Variants in UBE2M observed in about 807,000 individuals in gnomAD.
The protein encoded by UBE2M is ubiquitin conjugating enzyme E2 M.
In UBE2M, 2 loss-of-function variants were observed where a neutral mutation model predicts 23.5. That is an observed-to-expected ratio of 0.09 (90% CI 0.03 to 0.27). The LOEUF (loss-of-function observed/expected upper bound fraction) is 0.27. Among genes scored for constraint, UBE2M ranks in the 10% least tolerant of loss-of-function variants. The pLI, the probability that UBE2M is intolerant of heterozygous loss-of-function variation, is 1.00. For synonymous variants in UBE2M, 97 were observed against 95.2 expected (o/e 1.02, Z -0.11); for missense variants, 103 against 232.9 (o/e 0.44, Z 3.63).
At chr19:58,557,562 CCCA>C (rs1358635686) in intron 1 of UBE2M, among the ~76,000 whole-genome samples, 1 of 151,896 alleles carries the variant, frequency 6.6e-6, no homozygotes, top group Admixed American at 6.6e-5. Flanking sequence ...CCTGCCCACC[CCCA>C]CCAACCCTCA....
rs758460231 is a variant in UBE2M, at chr19:58,556,270, G to A, written c.412-41C>T. On this transcript the variant is annotated intron_variant, in intron 5 of 5. Transcript: ENST00000253023. The surrounding 1 kb of genome is among the most constrained non-coding windows in gnomAD (Gnocchi z 4.9). Reference sequence around the variant, plus strand: ...GTAGGGGGGGTCAACAGGCCAGAGGGACAGAAGGCCAATCTCCCCAGACCC... The same window carrying A: ...GTAGGGGGGGTCAACAGGCCAGAGGAACAGAAGGCCAATCTCCCCAGACCC... 11 of 1,613,904 alleles carry A rather than the reference G, an allele frequency of 6.8e-6. No individual in the cohort carries two copies. The highest frequency in any genetic ancestry group is 5.0e-5 in the Admixed American group (3 of 60,008).
At position 58,555,987 on chromosome 19, in the gene UBE2M, C is replaced by T; in HGVS notation, c.*102G>A. The T allele has an allele frequency of 1.8e-5, 27 of 1,467,496 alleles. No individual in the cohort carries two copies. Among genetic ancestry groups the T allele is most frequent in the Non-Finnish European group, 2.4e-5 (26 of 1,096,116 alleles). 90.9% of individuals were successfully genotyped at this position (1,467,496 alleles called of 1,614,324 possible). A position where few individuals can be genotyped will look rare whatever the true frequency, so the allele number is the denominator to read the frequency against. ...GGAGGCAAGGCCAAGGCAGGGGATT[C>T]CCCCACCGGCCGCCCCCCAAACCCC... On this transcript the variant is annotated 3_prime_UTR_variant, in exon 6 of 6. Coordinates refer to ENST00000253023, the MANE Select transcript of UBE2M (RefSeq NM_003969.4).
Position 58,556,964 on chromosome 19 carries a change from G to C in UBE2M, c.205-34C>G, listed in dbSNP as rs761875901. On this transcript the variant is annotated intron_variant, in intron 2 of 5. Coordinates refer to ENST00000253023, the MANE Select transcript of UBE2M (RefSeq NM_003969.4). This position sits in a 1 kb window ranked among gnomAD's most constrained non-coding sequence, Gnocchi z 4.9. ...AAAAGGGGGAGAAGAAAATTTTAGGGTTCCATCCTGTGGGGCCCGATGGGC... is the reference window on the plus strand; with the variant it reads ...AAAAGGGGGAGAAGAAAATTTTAGGCTTCCATCCTGTGGGGCCCGATGGGC... 3.1e-6 allele frequency: 5 copies of C among 1,614,018 alleles called. No individual in the cohort carries two copies. The highest frequency in any genetic ancestry group is 3.3e-4 in the Middle Eastern group (2 of 6,058).
rs554983565 is a variant in UBE2M, at chr19:58,556,806, GA to G, written c.244-17del. Reference sequence around the variant, plus strand: ...CCTGGCCCACCTGGCTCCAGGAAAAGAAAAGAGAGATGGGTAGGTGCCTGGA... The same window carrying G: ...CCTGGCCCACCTGGCTCCAGGAAAAGAAAGAGAGATGGGTAGGTGCCTGGA... On this transcript the variant is annotated splice_polypyrimidine_tract_variant and intron_variant, in intron 3 of 5. Transcript: ENST00000253023. The surrounding 1 kb of genome is among the most constrained non-coding windows in gnomAD (Gnocchi z 4.9). 1,652 of 1,606,698 alleles carry G rather than the reference GA, an allele frequency of 1.0e-3. 13 individuals are homozygous for G. The African/African-American group carries it at 0.02, about 20-fold the overall frequency.
chr19:58,557,872 A>T (rs555727972), intron 1 of UBE2M, among the ~76,000 whole-genome samples: 1 of 151,650 alleles, frequency 6.6e-6, no homozygotes, highest in African/African-American at 2.4e-5. Context: ...CCCCAGCATA[A>T]TAAACTAAAT....
At chr19:58,557,726 C>T (rs2053901777) in intron 1 of UBE2M, among the ~76,000 whole-genome samples, 1 of 149,930 alleles carries the variant, frequency 6.7e-6, no homozygotes, top group South Asian at 2.1e-4. Flanking sequence ...TCACCCCTGT[C>T]TCCAATCCCT....
rs751678898 is a variant in UBE2M, at chr19:58,556,664, C to T, written c.347+23G>A. On this transcript the variant is annotated intron_variant, in intron 4 of 5. Coordinates refer to ENST00000253023, the MANE Select transcript of UBE2M (RefSeq NM_003969.4). The surrounding 1 kb of genome is among the most constrained non-coding windows in gnomAD (Gnocchi z 4.9). ...GCCTGGCAGGCAGCGCTGAGGAGGG[C>T]ATTAGAGGGCCAGTGTCCTCACCTG... 3 of 1,516,974 alleles carry T rather than the reference C, an allele frequency of 2.0e-6. No homozygotes were observed. In the East Asian group the frequency reaches 6.8e-5, roughly 34 times the overall value. 94.0% of individuals were successfully genotyped at this position (1,516,974 alleles called of 1,614,324 possible). A position where few individuals can be genotyped will look rare whatever the true frequency, so the allele number is the denominator to read the frequency against.
rs1386312961 is a variant in UBE2M at position 58,558,138 on chromosome 19, C to T, written c.109+135G>A. On this transcript the variant is annotated intron_variant, in intron 1 of 5. Transcript: ENST00000253023. The surrounding 1 kb of genome is among the most constrained non-coding windows in gnomAD (Gnocchi z 4.7). ...GATCCCAACCCTCAAGACTTGACCTCCGACCCCCCCCACGCTCGGGGCCCT... is the reference window on the plus strand; with the variant it reads ...GATCCCAACCCTCAAGACTTGACCTTCGACCCCCCCCACGCTCGGGGCCCT... The T allele has an allele frequency of 1.1e-5, 8 of 702,960 alleles. No homozygotes were observed. In the Admixed American group the frequency reaches 1.9e-4, roughly 16 times the overall value. The allele number at this position is 702,960 out of a possible 1,614,324, so 43.5% of individuals were successfully genotyped here. A position where few individuals can be genotyped will look rare whatever the true frequency, so the allele number is the denominator to read the frequency against.
chr19:58,557,431 T>C (rs994900246), intron 1 of UBE2M, among the ~76,000 whole-genome samples: 1 of 151,810 alleles, frequency 6.6e-6, no homozygotes, highest in Non-Finnish European at 1.5e-5. Flanking sequence ...CCCCAACTTT[T>C]CTGTATCCAC....
chr19:58,556,973 T>A lies in UBE2M; in HGVS notation c.205-43A>T. 6.2e-7 allele frequency: 1 copy of A among 1,613,936 alleles called. No individual in the cohort carries two copies. The highest frequency in any genetic ancestry group is 8.5e-7 in the Non-Finnish European group (1 of 1,179,912). ...AGAAGAAAATTTTAGGGTTCCATCC[T>A]GTGGGGCCCGATGGGCAGAACATGT... On this transcript the variant is annotated intron_variant, in intron 2 of 5. Transcript: ENST00000253023. The surrounding 1 kb of genome is among the most constrained non-coding windows in gnomAD (Gnocchi z 4.9).
In UBE2M at chr19:58,556,811, G is replaced by C. The variant is rs1232201352; in HGVS notation, c.244-21C>G. ...CCCACCTGGCTCCAGGAAAAGAAAA[G>C]AGAGATGGGTAGGTGCCTGGAAGGG... On this transcript the variant is annotated intron_variant, in intron 3 of 5. Coordinates refer to ENST00000253023, the MANE Select transcript of UBE2M (RefSeq NM_003969.4). This position sits in a 1 kb window ranked among gnomAD's most constrained non-coding sequence, Gnocchi z 4.9. 2.5e-6 allele frequency: 4 copies of C among 1,607,144 alleles called. No homozygotes were observed. The highest frequency in any genetic ancestry group is 1.7e-4 in the Middle Eastern group (1 of 6,000).
rs887515359 is a variant in UBE2M, at chr19:58,558,204, T to A, written c.109+69A>T. 4 of 1,350,050 alleles carry A rather than the reference T, an allele frequency of 3.0e-6. No individual in the cohort carries two copies. The African/African-American group carries it at 6.2e-5, about 21-fold the overall frequency. The allele number at this position is 1,350,050 out of a possible 1,614,324, so 83.6% of individuals were successfully genotyped here. ...AGCAACCGCATTACCCCTTCCTGAC[T>A]CCCACATCACCCTGCCTCAGGCCCT... On this transcript the variant is annotated intron_variant, in intron 1 of 5. Transcript: ENST00000253023. The surrounding 1 kb of genome is among the most constrained non-coding windows in gnomAD (Gnocchi z 4.7).
At position 58,558,141 on chromosome 19, in the gene UBE2M, AC is replaced by A. The variant is rs889087722; in HGVS notation, c.109+131del. 128 of 524,894 alleles carry A rather than the reference AC, an allele frequency of 2.4e-4. No homozygotes were observed. The highest frequency in any genetic ancestry group is 3.0e-4 in the Non-Finnish European group (98 of 329,246). 32.5% of individuals were successfully genotyped at this position (524,894 alleles called of 1,614,324 possible). A position where few individuals can be genotyped will look rare whatever the true frequency, so the allele number is the denominator to read the frequency against. ...CCCAACCCTCAAGACTTGACCTCCGACCCCCCCCACGCTCGGGGCCCTTCAC... is the reference window on the plus strand; with the variant it reads ...CCCAACCCTCAAGACTTGACCTCCGACCCCCCCACGCTCGGGGCCCTTCAC... On this transcript the variant is annotated intron_variant, in intron 1 of 5. Transcript: ENST00000253023. The surrounding 1 kb of genome is among the most constrained non-coding windows in gnomAD (Gnocchi z 4.7).
At position 58,556,407 on chromosome 19, in the gene UBE2M, G is replaced by A; in HGVS notation, c.348-28C>T. ...GTGGACAGAGAGCATCAGGGTCAGG[G>A]CTTGGTGAGTGGGAGACTGCCACAG... On this transcript the variant is annotated intron_variant, in intron 4 of 5. Coordinates refer to ENST00000253023, the MANE Select transcript of UBE2M (RefSeq NM_003969.4). This position sits in a 1 kb window ranked among gnomAD's most constrained non-coding sequence, Gnocchi z 4.9. The A allele has an allele frequency of 6.2e-7, 1 of 1,611,784 alleles. No individual in the cohort carries two copies. Among genetic ancestry groups the A allele is most frequent in the Non-Finnish European group, 8.5e-7 (1 of 1,178,908 alleles).
chr19:58,558,334 C>G lies in UBE2M; in HGVS notation c.48G>C (p.Ser16=). 3 of 1,598,432 alleles carry G rather than the reference C, an allele frequency of 1.9e-6. No homozygotes were observed. The highest frequency in any genetic ancestry group is 1.7e-6 in the Non-Finnish European group (2 of 1,173,758). Residue 16 remains serine (S), a synonymous_variant, in exon 1 of 6, where the codon TCG becomes TCC. Coordinates refer to ENST00000253023, the MANE Select transcript of UBE2M (RefSeq NM_003969.4). This position sits in a 1 kb window ranked among gnomAD's most constrained non-coding sequence, Gnocchi z 4.7. ...TGCTGCTGCCCTTGGTGCCGCCCGCCGACTCCTCCTCCTTCTTCTGCTGCT... is the reference window on the plus strand; with the variant it reads ...TGCTGCTGCCCTTGGTGCCGCCCGCGGACTCCTCCTCCTTCTTCTGCTGCT... ...SLKQQKKEEE[S]AGGTKGSSKK...
chr19:58,558,402 T>TGCC lies in UBE2M; in HGVS notation c.-24_-22dup, dbSNP rs778718653. ...ATCATCCTGCCGCCGCCGCCGCCGC[T>TGCC]GCCGCCGCCGCGGGGCCCGGGACCC... On this transcript the variant is annotated 5_prime_UTR_variant, in exon 1 of 6. Transcript: ENST00000253023. The surrounding 1 kb of genome is among the most constrained non-coding windows in gnomAD (Gnocchi z 4.7). 18 of 1,284,470 alleles carry TGCC rather than the reference T, an allele frequency of 1.4e-5. No homozygotes were observed. Among genetic ancestry groups the TGCC allele is most frequent in the East Asian group, 3.9e-5 (1 of 25,502 alleles). 79.6% of individuals were successfully genotyped at this position (1,284,470 alleles called of 1,614,324 possible). A position where few individuals can be genotyped will look rare whatever the true frequency, so the allele number is the denominator to read the frequency against.
intron 2 of UBE2M, 53 bp downstream of exon 2, chr19:58,557,010 C>T: frequency 6.2e-7 from 1 of 1,613,122 alleles, no homozygotes; most frequent in Non-Finnish European, 8.5e-7. Flanking sequence ...TCCCTCCTCT[C>T]AGTGGGGACA....
At chr19:58,557,721 CCT>C (rs752431542) in intron 1 of UBE2M, among the ~76,000 whole-genome samples, 26 of 151,406 alleles carry the variant, frequency 1.7e-4, no homozygotes, top group Non-Finnish European at 1.9e-4. Context: ...TCCCCTCACC[CCT>C]GTCTCCAATC....
In UBE2M at chr19:58,556,821, T is replaced by C; in HGVS notation, c.244-31A>G. The C allele has an allele frequency of 6.2e-7, 1 of 1,611,792 alleles. No individual in the cohort carries two copies. Among genetic ancestry groups the C allele is most frequent in the Non-Finnish European group, 8.5e-7 (1 of 1,178,876 alleles). On this transcript the variant is annotated intron_variant, in intron 3 of 5. Transcript: ENST00000253023. The surrounding 1 kb of genome is among the most constrained non-coding windows in gnomAD (Gnocchi z 4.9). Reference sequence around the variant, plus strand: ...TCCAGGAAAAGAAAAGAGAGATGGGTAGGTGCCTGGAAGGGCCTCAGCTGC... The same window carrying C: ...TCCAGGAAAAGAAAAGAGAGATGGGCAGGTGCCTGGAAGGGCCTCAGCTGC...
Sources: allele counts gnomAD v4.1 joint callset (sites outside exome capture counted in the v4.1 genomes callset), GRCh38; gene constraint gnomAD v4.1.1; non-coding constraint Gnocchi (gnomAD v3.1); transcripts MANE v1.5; gene names NCBI Gene and HGNC (gene_info 2026-07-23, HGNC 2026-07-21).